SLC24A3: variants seen among roughly 807,000 people sequenced by gnomAD.
SLC24A3 encodes solute carrier family 24 member 3.
SLC24A3 carries 28 observed loss-of-function variants against 75.8 expected under a neutral mutation model. The ratio of observed to expected loss-of-function variants is 0.37; its 90% CI spans 0.27 to 0.51. The LOEUF (loss-of-function observed/expected upper bound fraction) is 0.51, where lower values mean the gene tolerates loss of function less well. Ranked by LOEUF, SLC24A3 falls within the 20% of genes least tolerant of loss-of-function variation. The probability of loss-of-function intolerance (pLI) is 0.94; values close to 1 mark genes in which losing one functional copy is unlikely to be tolerated. For synonymous variants in SLC24A3, 372 were observed against 334.1 expected (o/e 1.11, Z -1.24); for missense variants, 663 against 847.8 (o/e 0.78, Z 2.71).
chr20:19,719,592 G>A lies in SLC24A3; in HGVS notation c.1786-1399G>A, dbSNP rs117181981. ...GAAAGGGGAGAGGTGTGAAGTAGCC[G>A]TCTGGGGAAGGGAGAGACAAGGGAC... is the stretch of plus-strand genomic sequence containing the variant. On this transcript the variant is annotated intron_variant, in intron 16 of 16. Coordinates refer to ENST00000328041, the MANE Select transcript of SLC24A3 (RefSeq NM_020689.4). Among the ~76,000 whole-genome samples, 5 of 152,146 alleles carry A rather than the reference G, an allele frequency of 3.3e-5. No individual in the cohort carries two copies. The East Asian group carries it at 5.8e-4, about 18-fold the overall frequency.
chr20:19,465,981 G>A (rs1394535544), intron 2 of SLC24A3, among the ~76,000 whole-genome samples: 1 of 152,092 alleles, frequency 6.6e-6, no homozygotes, highest in African/African-American at 2.4e-5. Context: ...GTCCTCTTTA[G>A]GTAGTCATTC....
At chr20:19,293,502 A>G (rs1600415339) in intron 2 of SLC24A3, among the ~76,000 whole-genome samples, 1 of 152,000 alleles carries the variant, frequency 6.6e-6, no homozygotes, top group South Asian at 2.1e-4. Flanking sequence ...CTAAAAATAC[A>G]AAAATTAGTT....
intron 4 of SLC24A3, among the ~76,000 whole-genome samples, chr20:19,582,736 C>T (rs2031236146): frequency 6.6e-6 from 1 of 152,154 alleles, no homozygotes; most frequent in Non-Finnish European, 1.5e-5. Flanking sequence ...TCCTATAAGC[C>T]ACAGTAGACA....
intron 2 of SLC24A3, among the ~76,000 whole-genome samples, chr20:19,321,444 C>T (rs1339779204): frequency 2.0e-5 from 3 of 152,068 alleles, no homozygotes; most frequent in South Asian, 2.1e-4. Context: ...AAACATGAAT[C>T]GGTGAAGACA....
At chr20:19,501,090 A>G (rs924438434) in intron 2 of SLC24A3, among the ~76,000 whole-genome samples, 2 of 152,218 alleles carry the variant, frequency 1.3e-5, no homozygotes, top group Non-Finnish European at 2.9e-5. Flanking sequence ...CAAAGATGAC[A>G]ATCTTTGTGC....
At chr20:19,306,952 C>T (rs1430766414) in intron 2 of SLC24A3, among the ~76,000 whole-genome samples, 1 of 152,246 alleles carries the variant, frequency 6.6e-6, no homozygotes, top group Non-Finnish European at 1.5e-5. Context: ...TTACGTTTCA[C>T]TGACCTTTCC....
At position 19,230,993 on chromosome 20, in the gene SLC24A3, C is replaced by G. The variant is rs368261437; in HGVS notation, c.142+18009C>G. On this transcript the variant is annotated intron_variant, in intron 1 of 16. Transcript: ENST00000328041. ...AACAACTAAAGCTATCCGATATTAA[C>G]TACTCTGTCTTAGTATTTTTTAGGC... Among the ~76,000 whole-genome samples, 30 of 152,324 alleles carry G rather than the reference C, an allele frequency of 2.0e-4. No individual in the cohort carries two copies. In the South Asian group the frequency reaches 2.9e-3, roughly 15 times the overall value.
At chr20:19,379,391 A>G (rs1416236337) in intron 2 of SLC24A3, among the ~76,000 whole-genome samples, 1 of 152,124 alleles carries the variant, frequency 6.6e-6, no homozygotes, top group East Asian at 1.9e-4. Flanking sequence ...ACGTGGGATC[A>G]GGGTTTTGCT....
intron 2 of SLC24A3, among the ~76,000 whole-genome samples, chr20:19,478,415 G>A (rs376520257): frequency 1.6e-4 from 24 of 152,146 alleles, no homozygotes; most frequent in African/African-American, 5.8e-4. Context: ...TCTTATATTT[G>A]ACATAGAGTA....
intron 2 of SLC24A3, among the ~76,000 whole-genome samples, chr20:19,489,655 A>C (rs978405683): frequency 6.6e-6 from 1 of 152,164 alleles, no homozygotes; most frequent in African/African-American, 2.4e-5. Flanking sequence ...ATTTGGGGGC[A>C]CAGAGGGGCT....
chr20:19,488,551 C>T (rs913410884), intron 2 of SLC24A3, among the ~76,000 whole-genome samples: 2 of 152,078 alleles, frequency 1.3e-5, no homozygotes, highest in African/African-American at 2.4e-5. Context: ...CTGGGACTCT[C>T]GACTCTCCAT....
At chr20:19,655,502 C>T (rs1479538254) in intron 7 of SLC24A3, among the ~76,000 whole-genome samples, 3 of 152,102 alleles carry the variant, frequency 2.0e-5, no homozygotes, top group Non-Finnish European at 2.9e-5. Flanking sequence ...TATGTGTCAA[C>T]TCGACTGGGC....
intron 16 of SLC24A3, 57 bp from the exon 17 acceptor site, chr20:19,720,934 C>T (rs533942931): frequency 3.8e-6 from 6 of 1,596,060 alleles, no homozygotes; most frequent in Non-Finnish European, 5.1e-6. Flanking sequence ...CCCTACCAAC[C>T]CCCCAAAGGC....
At chr20:19,546,051 C>T (rs1269636400) in intron 3 of SLC24A3, among the ~76,000 whole-genome samples, 4 of 147,356 alleles carry the variant, frequency 2.7e-5, no homozygotes, top group Middle Eastern at 3.2e-3. Flanking sequence ...CCCAGCTACT[C>T]GGGAGGCAGA....
At chr20:19,241,545 C>T (rs1982328576) in intron 1 of SLC24A3, among the ~76,000 whole-genome samples, 1 of 152,182 alleles carries the variant, frequency 6.6e-6, no homozygotes, top group Admixed American at 6.5e-5. Flanking sequence ...GGTAGCTCTG[C>T]CAGGTCTGAA....
intron 6 of SLC24A3, among the ~76,000 whole-genome samples, chr20:19,590,364 C>T (rs1276495880): frequency 3.9e-5 from 6 of 151,982 alleles, no homozygotes; most frequent in Admixed American, 3.9e-4. Context: ...TTATTGTTCC[C>T]CAGACAAAAC....
intron 2 of SLC24A3, among the ~76,000 whole-genome samples, chr20:19,433,501 C>A (rs759150279): frequency 7.9e-5 from 12 of 152,166 alleles, no homozygotes; most frequent in African/African-American, 1.4e-4. Flanking sequence ...TGTTTTGCTT[C>A]CTTTTTAAAT....
chr20:19,373,817 A>G (rs1342316362), intron 2 of SLC24A3, among the ~76,000 whole-genome samples: 1 of 152,136 alleles, frequency 6.6e-6, no homozygotes, highest in Non-Finnish European at 1.5e-5. Flanking sequence ...TACTAAGAGC[A>G]TGACATGTTT....
intron 2 of SLC24A3, among the ~76,000 whole-genome samples, chr20:19,325,902 CT>C (rs1330050471): frequency 2.7e-5 from 4 of 148,978 alleles, no homozygotes; most frequent in Admixed American, 2.0e-4. Flanking sequence ...TTCATATACA[CT>C]TTATACACAT....
Sources: gnomAD v4.1 joint callset for allele counts (sites outside exome capture counted in the v4.1 genomes callset) on GRCh38, gnomAD v4.1.1 for gene constraint, MANE v1.5 for transcripts, NCBI Gene and HGNC (gene_info 2026-07-23, HGNC 2026-07-21) for gene names.